Variants in PSMA6 observed in about 807,000 individuals in gnomAD.
PSMA6 encodes the protein proteasome subunit alpha type-6.
For synonymous variants in PSMA6, 88 were observed against 97.7 expected, an observed-to-expected ratio of 0.90 and a Z score of 0.59; for missense variants, 170 against 294.8, an observed-to-expected ratio of 0.58 and a Z score of 3.10.
At chr14:35,298,272 C>G (rs1053281548) in intron 1 of PSMA6, among the ~76,000 whole-genome samples, 1 of 152,000 alleles carries the variant, frequency 6.6e-6, no homozygotes, top group Non-Finnish European at 1.5e-5. Flanking sequence ...GGTGGATAAC[C>G]TAAGTTTAGG....
Position 35,309,016 on chromosome 14 carries a change from C to T in PSMA6, c.253+21C>T, listed in dbSNP as rs771987124. ...GACAGGTAATTAATCTGTAGATATA[C>T]AAGACATCTGTAGATATACAAGCCT... On this transcript the variant is annotated intron_variant, in intron 3 of 6. Transcript: ENST00000261479. The T allele has an allele frequency of 5.4e-6, 8 of 1,494,938 alleles. No individual in the cohort carries two copies. In the South Asian group the frequency reaches 7.0e-5, roughly 13 times the overall value. 92.6% of individuals were successfully genotyped at this position (1,494,938 alleles called of 1,614,324 possible).
chr14:35,315,965 T>C (rs557240443), intron 6 of PSMA6: 2 of 152,354 alleles, frequency 1.3e-5, no homozygotes, highest in South Asian at 2.1e-4. Context: ...CTGCTTGATA[T>C]TGCCTTCAGT....
At chr14:35,299,713 A>G (rs1373739427) in intron 1 of PSMA6, among the ~76,000 whole-genome samples, 1 of 152,182 alleles carries the variant, frequency 6.6e-6, no homozygotes, top group East Asian at 1.9e-4. Flanking sequence ...TGTTTCTTTA[A>G]AAGATACTCT....
At chr14:35,300,735 C>T (rs2051694990) in intron 1 of PSMA6, among the ~76,000 whole-genome samples, 1 of 152,128 alleles carries the variant, frequency 6.6e-6, no homozygotes, top group Non-Finnish European at 1.5e-5. Flanking sequence ...CTCCCTTTCC[C>T]ACGCACTTTC....
upstream of PSMA6, chr14:35,278,597 G>T: frequency 7.9e-7 from 1 of 1,260,614 alleles, no homozygotes; most frequent in Non-Finnish European, 1.1e-6. Context: ...GGAATTCCCT[G>T]ACGATTCCAT....
intron 2 of PSMA6, 33 bp from the exon 3 acceptor site, chr14:35,308,881 T>C: frequency 3.3e-6 from 5 of 1,499,240 alleles, no homozygotes; most frequent in Non-Finnish European, 4.6e-6. Context: ...GTATGTTTTT[T>C]AAAAAATTAT....
chr14:35,293,035 T>C, intron 1 of PSMA6: 1 of 456,774 alleles, frequency 2.2e-6, no homozygotes, highest in Non-Finnish European at 4.4e-6. Context: ...GATACAAATG[T>C]GAATGTTACA....
chr14:35,312,691 G>A (rs540442227), intron 4 of PSMA6, 190 bp from the exon 5 acceptor site: 4 of 469,918 alleles, frequency 8.5e-6, no homozygotes, highest in African/African-American at 8.1e-5. Context: ...TTTGTGAAAT[G>A]GGAATTTACC....
At position 35,307,939 on chromosome 14, in the gene PSMA6, T is replaced by C. The variant is rs1304705186; in HGVS notation, c.77-55T>C. 6 of 1,520,348 alleles carry C rather than the reference T, an allele frequency of 3.9e-6. No individual in the cohort carries two copies. The African/African-American group carries it at 8.3e-5, about 21-fold the overall frequency. The allele number at this position is 1,520,348 out of a possible 1,614,324, so 94.2% of individuals were successfully genotyped here. On this transcript the variant is annotated intron_variant, in intron 1 of 6. Transcript: ENST00000261479. ...TTCTTTTTAATGACTATTATTTCAT[T>C]GCAAGAATCTACAGTAATTTATTCC...
chr14:35,286,253 T>C (rs1451175804), intron 1 of PSMA6, among the ~76,000 whole-genome samples: 1 of 152,196 alleles, frequency 6.6e-6, no homozygotes. Flanking sequence ...AAGTTCACAA[T>C]ATGACCGTTC....
At chr14:35,289,877 C>G (rs1384884866), upstream of PSMA6, among the ~76,000 whole-genome samples, 1 of 136,948 alleles carries the variant, frequency 7.3e-6, no homozygotes, top group Non-Finnish European at 1.5e-5. Context: ...GATCATGCCA[C>G]TGCACTCCAG....
intron 1 of PSMA6, among the ~76,000 whole-genome samples, chr14:35,305,918 A>T (rs1196466232): frequency 1.3e-5 from 2 of 152,024 alleles, no homozygotes; most frequent in African/African-American, 4.8e-5. Context: ...CCCCATATCT[A>T]TTTTTAACTA....
chr14:35,314,223 G>A lies in PSMA6; in HGVS notation c.589-138G>A, dbSNP rs1465016982. ...TTGGGAGGCAATACATTAGAGTTAAGCAGTCTGTTAGTAACATTGAACTAC... is the reference window on the plus strand; with the variant it reads ...TTGGGAGGCAATACATTAGAGTTAAACAGTCTGTTAGTAACATTGAACTAC... On this transcript the variant is annotated intron_variant, in intron 5 of 6. Coordinates refer to ENST00000261479, the MANE Select transcript of PSMA6 (RefSeq NM_002791.3). 5.0e-6 allele frequency: 5 copies of A among 1,006,530 alleles called. No homozygotes were observed. In the East Asian group the frequency reaches 1.0e-4, roughly 21 times the overall value. 62.3% of individuals were successfully genotyped at this position (1,006,530 alleles called of 1,614,324 possible).
chr14:35,285,715 A>T (rs930799434), intron 1 of PSMA6, among the ~76,000 whole-genome samples: 3 of 152,118 alleles, frequency 2.0e-5, no homozygotes, highest in African/African-American at 7.2e-5. Flanking sequence ...ACCTTCAGGG[A>T]GCTGAGGGTG....
At chr14:35,311,642 T>G (rs909180694) in intron 4 of PSMA6, among the ~76,000 whole-genome samples, 8 of 152,226 alleles carry the variant, frequency 5.3e-5, no homozygotes, top group Non-Finnish European at 1.5e-5. Context: ...AAGAAAGCAG[T>G]CAAACCATTA....
At chr14:35,308,572 C>T (rs565920601) in intron 2 of PSMA6, 7 of 261,064 alleles carry the variant, frequency 2.7e-5, no homozygotes, top group Admixed American at 1.5e-4. Context: ...TACAGTTCAG[C>T]TGTGTGGACA....
At chr14:35,312,734 A>AT (rs2051968794) in intron 4 of PSMA6, 147 bp from the exon 5 acceptor site, 7 of 629,836 alleles carry the variant, frequency 1.1e-5, no homozygotes, top group Non-Finnish European at 1.8e-5. Flanking sequence ...GATAACCTGT[A>AT]TTTTATCAGT....
intron 2 of PSMA6, 130 bp from the exon 3 acceptor site, chr14:35,308,784 T>C: frequency 1.5e-6 from 1 of 649,672 alleles, no homozygotes; most frequent in Non-Finnish European, 2.7e-6. Context: ...TATTATACAG[T>C]TTATTTTTAT....
chr14:35,280,443 G>A (rs1023947368), intron 1 of PSMA6, among the ~76,000 whole-genome samples: 12 of 147,936 alleles, frequency 8.1e-5, no homozygotes, highest in Admixed American at 4.8e-4. Flanking sequence ...GCTCAGTGGC[G>A]TCAATTTGGC....
Sources: gnomAD v4.1 joint callset for allele counts (sites outside exome capture counted in the v4.1 genomes callset) on GRCh38, gnomAD v4.1.1 for gene constraint, MANE v1.5 for transcripts, NCBI Gene and HGNC (gene_info 2026-07-23, HGNC 2026-07-21) for gene names.